NRXN3: variants seen among roughly 807,000 people sequenced by gnomAD.
The protein encoded by NRXN3 is neurexin 3, also known as neurexin III.
In NRXN3, 32 loss-of-function variants were observed where a neutral mutation model predicts 137.6. The observed-to-expected ratio is 0.23, with a 90% CI of 0.18 to 0.31. The LOEUF (loss-of-function observed/expected upper bound fraction) is 0.31, where lower values mean the gene tolerates loss of function less well. Among genes scored for constraint, NRXN3 ranks in the 10% least tolerant of loss-of-function variants. The pLI, the probability that NRXN3 is intolerant of heterozygous loss-of-function variation, is 1.00. For missense variants in NRXN3, 1,574 were observed against 2,062.5 expected, an observed-to-expected ratio of 0.76 and a Z score of 4.59; for synonymous variants, 798 against 784.5, an observed-to-expected ratio of 1.02 and a Z score of -0.29.
chr14:78,854,555 T>A (rs1193028834), intron 10 of NRXN3, among the ~76,000 whole-genome samples: 1 of 152,204 alleles, frequency 6.6e-6, no homozygotes, highest in East Asian at 1.9e-4. Context: ...ATTGAGCACC[T>A]ACAGTGTTAT....
intron 19 of NRXN3, among the ~76,000 whole-genome samples, chr14:79,799,705 CCCTGTCTCACCACTG>C (rs1171571790): frequency 3.3e-5 from 5 of 152,278 alleles, no homozygotes; most frequent in Non-Finnish European, 1.5e-5. Context: ...CACTTCCTTC[CCCTGTCTCACCACTG>C]CCTGTCCCTG....
Position 78,572,934 on chromosome 14 carries a change from C to A in NRXN3, c.758-72186C>A, listed in dbSNP as rs565411647. 2.0e-5 allele frequency among the ~76,000 whole-genome samples: 3 copies of A among 152,258 alleles called. No individual in the cohort carries two copies. In the South Asian group the frequency reaches 6.2e-4, roughly 32 times the overall value. On this transcript the variant is annotated intron_variant, in intron 4 of 20. Transcript: ENST00000335750. Reference sequence around the variant, plus strand: ...CTCTGTGTCCCTACCCAAATCTCACCTTGAATTGTAATAATCCCCATGTAT... The same window carrying A: ...CTCTGTGTCCCTACCCAAATCTCACATTGAATTGTAATAATCCCCATGTAT...
chr14:79,129,504 A>C (rs1568373325), intron 15 of NRXN3, among the ~76,000 whole-genome samples: 1 of 145,772 alleles, frequency 6.9e-6, no homozygotes, highest in East Asian at 2.0e-4. Context: ...GAGATTCTTA[A>C]TCCTGAGTTC....
intron 14 of NRXN3, among the ~76,000 whole-genome samples, chr14:78,987,329 A>G (rs2099509031): frequency 6.6e-6 from 1 of 152,150 alleles, no homozygotes; most frequent in Admixed American, 6.5e-5. Flanking sequence ...TTCAATTACC[A>G]AATGTGTGAC....
At chr14:79,049,022 C>CAAAAAA (rs1171306670) in intron 15 of NRXN3, among the ~76,000 whole-genome samples, 1 of 29,468 alleles carries the variant, frequency 3.4e-5, no homozygotes, top group African/African-American at 2.0e-4. Flanking sequence ...AACTCCGTCT[C>CAAAAAA]AAAAAAAAAA....
chr14:79,381,373 T>A (rs377661119), intron 15 of NRXN3, among the ~76,000 whole-genome samples: 4 of 152,122 alleles, frequency 2.6e-5, no homozygotes, highest in African/African-American at 9.7e-5. Context: ...CTTGAAAGAC[T>A]GTGTGAAATA....
chr14:79,113,024 G>T (rs940042737), intron 15 of NRXN3, among the ~76,000 whole-genome samples: 4 of 152,184 alleles, frequency 2.6e-5, no homozygotes, highest in African/African-American at 7.2e-5. Context: ...ACCTTTCTCA[G>T]CCTCAGCTCT....
intron 16 of NRXN3, among the ~76,000 whole-genome samples, chr14:79,585,695 A>AAC (rs998648453): frequency 4.3e-5 from 4 of 93,476 alleles, no homozygotes; most frequent in African/African-American, 1.5e-4. Context: ...AAAAAAAAAC[A>AAC]AAAAAAAAAA....
intron 4 of NRXN3, among the ~76,000 whole-genome samples, chr14:78,595,673 T>C (rs143498700): frequency 7.9e-4 from 120 of 152,304 alleles, no homozygotes; most frequent in African/African-American, 2.7e-3. Flanking sequence ...GCAAGATGGA[T>C]GCTATAATTT....
intron 17 of NRXN3, among the ~76,000 whole-genome samples, chr14:79,666,719 A>G (rs1387932939): frequency 6.6e-6 from 1 of 152,092 alleles, no homozygotes; most frequent in African/African-American, 2.4e-5. Flanking sequence ...TCTTTAAAGA[A>G]GTGTCATATC....
At chr14:79,740,235 G>C (rs992044193) in intron 19 of NRXN3, among the ~76,000 whole-genome samples, 1 of 151,830 alleles carries the variant, frequency 6.6e-6, no homozygotes, top group Admixed American at 6.6e-5. Context: ...CCTACTTTGG[G>C]CACTAATCTC....
At chr14:79,508,122 ACT>A (rs1262584914) in intron 16 of NRXN3, among the ~76,000 whole-genome samples, 5 of 152,002 alleles carry the variant, frequency 3.3e-5, no homozygotes, top group South Asian at 2.1e-4. Flanking sequence ...AATCACTGAA[ACT>A]CTCTACAGTC....
intron 16 of NRXN3, among the ~76,000 whole-genome samples, chr14:79,600,748 T>TTC (rs2097913295): frequency 6.6e-6 from 1 of 152,124 alleles, no homozygotes; most frequent in Non-Finnish European, 1.5e-5. Flanking sequence ...AGGTCTTTGC[T>TTC]TCTAATGCCA....
intron 15 of NRXN3, among the ~76,000 whole-genome samples, chr14:79,123,650 G>A (rs2055877038): frequency 6.6e-6 from 1 of 152,156 alleles, no homozygotes; most frequent in South Asian, 2.1e-4. Context: ...AATTGAAAAT[G>A]TTTGCTGTAA....
chr14:79,362,156 A>AT (rs2093708070), intron 15 of NRXN3, among the ~76,000 whole-genome samples: 1 of 150,738 alleles, frequency 6.6e-6, no homozygotes, highest in Non-Finnish European at 1.5e-5. Context: ...TTATTTATTT[A>AT]TTTTTTATTA....
chr14:78,705,441 C>T (rs942767349), intron 6 of NRXN3, among the ~76,000 whole-genome samples: 3 of 152,132 alleles, frequency 2.0e-5, no homozygotes, highest in Non-Finnish European at 2.9e-5. Flanking sequence ...TGGAGAGTCC[C>T]AGTTGAGCAT....
At chr14:78,484,834 T>C (rs1182564544) in intron 4 of NRXN3, among the ~76,000 whole-genome samples, 3 of 152,166 alleles carry the variant, frequency 2.0e-5, no homozygotes, top group Non-Finnish European at 4.4e-5. Flanking sequence ...TCTCATTCTT[T>C]TAAAATAAGA....
intron 4 of NRXN3, among the ~76,000 whole-genome samples, chr14:78,450,933 G>A (rs2094537155): frequency 6.6e-6 from 1 of 152,130 alleles, no homozygotes; most frequent in Non-Finnish European, 1.5e-5. Context: ...GTGTGTGTGA[G>A]TGTGAATACA....
intron 17 of NRXN3, among the ~76,000 whole-genome samples, chr14:79,680,969 G>T (rs2098667238): frequency 6.6e-6 from 1 of 152,128 alleles, no homozygotes; most frequent in African/African-American, 2.4e-5. Context: ...TCTGTGTCTA[G>T]AATCAAGGAT....
Sources: allele counts gnomAD v4.1 joint callset (sites outside exome capture counted in the v4.1 genomes callset), GRCh38; gene constraint gnomAD v4.1.1; transcripts MANE v1.5; gene names NCBI Gene and HGNC (gene_info 2026-07-23, HGNC 2026-07-21).